FBP2: variants seen among roughly 807,000 people sequenced by gnomAD.
FBP2 encodes fructose-bisphosphatase 2.
Under a neutral mutation model 31.6 loss-of-function variants are expected in FBP2, and 27 were observed. The observed-to-expected ratio is 0.85, with a 90% CI of 0.63 to 1.18. The LOEUF (loss-of-function observed/expected upper bound fraction) is 1.18, where lower values mean the gene tolerates loss of function less well. FBP2 is among the 50% of genes most tolerant of loss of function. The probability of loss-of-function intolerance (pLI) is 0.00; values close to 1 mark genes in which losing one functional copy is unlikely to be tolerated. For missense variants in FBP2, 421 were observed against 436.1 expected (o/e 0.97, Z 0.31); for synonymous variants, 168 against 179.8 (o/e 0.93, Z 0.53).
At position 94,582,307 on chromosome 9, in the gene FBP2, T is replaced by G. The variant is rs986253404; in HGVS notation, c.426+2270A>C. On this transcript the variant is annotated intron_variant, in intron 3 of 6. Transcript: ENST00000375337. ...CATATGTCAGGACCATCTTCATAAA[T>G]ATTCATAGCTCCTCCTATAATCTGT... Among the ~76,000 whole-genome samples, 8 of 152,258 alleles carry G rather than the reference T, an allele frequency of 5.3e-5. 1 individual carries two copies. The highest frequency in any genetic ancestry group is 5.2e-4 in the Admixed American group (8 of 15,290).
At chr9:94,560,894 C>G (rs1827088587) in intron 6 of FBP2, among the ~76,000 whole-genome samples, 1 of 148,464 alleles carries the variant, frequency 6.7e-6, no homozygotes, top group South Asian at 2.1e-4. Flanking sequence ...TATTTACTGC[C>G]ATTTTGGTCA....
At chr9:94,590,003 C>T (rs1827473615) in intron 1 of FBP2, among the ~76,000 whole-genome samples, 2 of 152,182 alleles carry the variant, frequency 1.3e-5, no homozygotes, top group African/African-American at 4.8e-5. Context: ...CTGCGGTGGG[C>T]AGAGCTGAGA....
At chr9:94,562,998 T>TA (rs1253092805) in intron 6 of FBP2, among the ~76,000 whole-genome samples, 1 of 152,210 alleles carries the variant, frequency 6.6e-6, no homozygotes, top group African/African-American at 2.4e-5. Flanking sequence ...AGGCTCCCTA[T>TA]AGGGACCATC....
chr9:94,574,626 T>G (rs1267533200), intron 3 of FBP2, among the ~76,000 whole-genome samples: 1 of 152,164 alleles, frequency 6.6e-6, no homozygotes, highest in African/African-American at 2.4e-5. Context: ...CAGTGCAGTT[T>G]TAAAATTAAA....
chr9:94,580,175 G>T (rs775337765), intron 3 of FBP2, among the ~76,000 whole-genome samples: 78 of 152,190 alleles, frequency 5.1e-4, no homozygotes, highest in Non-Finnish European at 8.7e-4. Context: ...GCTTAGAAAA[G>T]TTGAGATCTA....
chr9:94,583,773 A>G (rs1827395893), intron 3 of FBP2, among the ~76,000 whole-genome samples: 1 of 152,050 alleles, frequency 6.6e-6, no homozygotes, highest in Non-Finnish European at 1.5e-5. Context: ...TAATTTTTGT[A>G]TTTTTAGTAG....
chr9:94,567,342 G>C lies in FBP2; in HGVS notation c.633C>G (p.Ser211Arg). 6.2e-7 allele frequency: 1 copy of C among 1,614,140 alleles called. No homozygotes were observed. Among genetic ancestry groups the C allele is most frequent in the Non-Finnish European group, 8.5e-7 (1 of 1,179,978 alleles). Reference sequence around the variant, plus strand: ...AATACTTGGCATAGCCCTCATTCAGGCTGTAAATCTTTCCTTTCTTCTTAA... The same window carrying C: ...AATACTTGGCATAGCCCTCATTCAGCCTGTAAATCTTTCCTTTCTTCTTAA... The part of the protein sequence containing the change: ...VKIKKKGKIY[S>R]LNEGYAKYFD... Residue 211 changes from serine to arginine, a missense_variant, in exon 5 of 7, where the codon AGC becomes AGG. Coordinates refer to ENST00000375337, the MANE Select transcript of FBP2 (RefSeq NM_003837.4).
chr9:94,572,641 G>T (rs1276835235), intron 3 of FBP2, among the ~76,000 whole-genome samples: 1 of 151,988 alleles, frequency 6.6e-6, no homozygotes, highest in Non-Finnish European at 1.5e-5. Flanking sequence ...ACTCCGTCTT[G>T]TTCCTGTCTG....
chr9:94,569,472 C>T (rs1349467733), intron 4 of FBP2: 1 of 152,258 alleles, frequency 6.6e-6, no homozygotes, highest in Non-Finnish European at 1.5e-5. Context: ...TCACTCACCA[C>T]CTGAACAGAG....
At chr9:94,561,337 T>C (rs1434425332) in intron 6 of FBP2, among the ~76,000 whole-genome samples, 1 of 146,916 alleles carries the variant, frequency 6.8e-6, no homozygotes, top group East Asian at 2.0e-4. Context: ...GCAGGCCATG[T>C]GACATGTGAC....
At chr9:94,565,852 G>T (rs185846569) in intron 5 of FBP2, among the ~76,000 whole-genome samples, 3 of 152,296 alleles carry the variant, frequency 2.0e-5, no homozygotes, top group Non-Finnish European at 4.4e-5. Flanking sequence ...ATAGATGCTC[G>T]TAACTTGGGG....
intron 3 of FBP2, among the ~76,000 whole-genome samples, chr9:94,581,052 A>G (rs886472193): frequency 6.6e-6 from 1 of 152,250 alleles, no homozygotes; most frequent in South Asian, 2.1e-4. Flanking sequence ...GATTTATTCT[A>G]TGCCTTAATA....
chr9:94,584,679 A>C lies in FBP2; in HGVS notation c.334-10T>G. 1 of 1,567,904 alleles carries C rather than the reference A, an allele frequency of 6.4e-7. No homozygotes were observed. Among genetic ancestry groups the C allele is most frequent in the Non-Finnish European group, 8.8e-7 (1 of 1,137,912 alleles). ...AGACCACGTATTTCCCCTAAATCAGAGAGGAAAGCACCAACTGATCAGCAC... is the reference window on the plus strand; with the variant it reads ...AGACCACGTATTTCCCCTAAATCAGCGAGGAAAGCACCAACTGATCAGCAC... On this transcript the variant is annotated splice_polypyrimidine_tract_variant and intron_variant, in intron 2 of 6. Transcript: ENST00000375337.
chr9:94,565,368 CAAA>C (rs369180827), intron 5 of FBP2, among the ~76,000 whole-genome samples: 4 of 46,568 alleles, frequency 8.6e-5, no homozygotes, highest in Non-Finnish European at 9.3e-5. Context: ...GACTCCACCT[CAAA>C]AAAAAAAAAA....
At chr9:94,560,492 G>A (rs1223247374) in intron 6 of FBP2, among the ~76,000 whole-genome samples, 2 of 152,094 alleles carry the variant, frequency 1.3e-5, no homozygotes, top group Non-Finnish European at 2.9e-5. Context: ...GCATGACTCA[G>A]TATCATCTTC....
At chr9:94,585,847 G>C (rs2131458973) in intron 2 of FBP2, among the ~76,000 whole-genome samples, 1 of 151,784 alleles carries the variant, frequency 6.6e-6, no homozygotes, top group African/African-American at 2.4e-5. Context: ...CTGAGCTCAA[G>C]CAATTCTCCC....
At chr9:94,579,572 T>G (rs1031539547) in intron 3 of FBP2, among the ~76,000 whole-genome samples, 1 of 152,194 alleles carries the variant, frequency 6.6e-6, no homozygotes, top group Non-Finnish European at 1.5e-5. Flanking sequence ...TGCATGTGAT[T>G]AAGTTACCTA....
chr9:94,565,858 T>TG (rs762406304), intron 5 of FBP2, among the ~76,000 whole-genome samples: 1 of 152,030 alleles, frequency 6.6e-6, no homozygotes, highest in Non-Finnish European at 1.5e-5. Context: ...GCTCGTAACT[T>TG]GGGGGAGGAG....
chr9:94,589,768 G>T (rs1178023078), intron 1 of FBP2, among the ~76,000 whole-genome samples: 2 of 130,394 alleles, frequency 1.5e-5, no homozygotes, highest in East Asian at 4.5e-4. Context: ...CACATCATTT[G>T]GTGTCTGAGG....
Sources: gnomAD v4.1 joint callset for allele counts (sites outside exome capture counted in the v4.1 genomes callset) on GRCh38, gnomAD v4.1.1 for gene constraint, MANE v1.5 for transcripts, NCBI Gene and HGNC (gene_info 2026-07-23, HGNC 2026-07-21) for gene names.